Variants in NYAP2 observed in about 807,000 individuals in gnomAD.
The protein encoded by NYAP2 is neuronal tyrosine-phosphorylated phosphoinositide-3-kinase adaptor 2, also known as neuronal tyrosine-phosphorylated phosphoinositide-3-kinase adapter 2.
In NYAP2, 23 loss-of-function variants were observed where a neutral mutation model predicts 50.4. That is an observed-to-expected ratio of 0.46 (90% CI 0.33 to 0.65). The LOEUF (loss-of-function observed/expected upper bound fraction) is 0.65, where lower values mean the gene tolerates loss of function less well. NYAP2 is among the 30% of genes least tolerant of loss of function. The probability of loss-of-function intolerance (pLI) is 0.02; values close to 1 mark genes in which losing one functional copy is unlikely to be tolerated. For synonymous variants in NYAP2, 394 were observed against 365.2 expected (o/e 1.08, Z -0.90); for missense variants, 885 against 861.0 (o/e 1.03, Z -0.35).
intron 6 of NYAP2, among the ~76,000 whole-genome samples, chr2:225,643,634 CT>C (rs1294794059): frequency 6.6e-6 from 1 of 150,930 alleles, no homozygotes; most frequent in East Asian, 1.9e-4. Context: ...TGATGTTCCC[CT>C]TCCTGTGTCC....
At chr2:225,663,672 C>T in the NYAP2 span, among the ~76,000 whole-genome samples, 1 of 150,818 alleles carries the variant, frequency 6.6e-6, no homozygotes, top group Admixed American at 6.6e-5. Context: ...ATTCTCCTGC[C>T]TTAGCCTCCC....
intron 4 of NYAP2, among the ~76,000 whole-genome samples, chr2:225,560,276 A>G (rs1691849314): frequency 6.6e-6 from 1 of 152,108 alleles, no homozygotes; most frequent in African/African-American, 2.4e-5. Context: ...AGAGTACTTT[A>G]TTGTATAGTT....
chr2:225,518,566 ATATTAGCGTGTGCGCT>A (rs1690982420), intron 4 of NYAP2, among the ~76,000 whole-genome samples: 1 of 31,038 alleles, frequency 3.2e-5, no homozygotes, highest in African/African-American at 1.6e-4. Flanking sequence ...ATATATATAT[ATATTAGCGTGTGCGCT>A]TATATATATA....
intron 4 of NYAP2, among the ~76,000 whole-genome samples, chr2:225,566,487 G>T (rs1204986221): frequency 6.6e-6 from 1 of 152,182 alleles, no homozygotes; most frequent in Non-Finnish European, 1.5e-5. Flanking sequence ...TCATTAATCG[G>T]ATTTTTCTCC....
intron 5 of NYAP2, among the ~76,000 whole-genome samples, chr2:225,601,705 G>A (rs1307737832): frequency 6.6e-6 from 1 of 152,022 alleles, no homozygotes; most frequent in Middle Eastern, 3.4e-3. Flanking sequence ...ATCTATCCAA[G>A]TCCTTTGCCT....
At chr2:225,607,411 CAT>C (rs1692807667) in intron 5 of NYAP2, among the ~76,000 whole-genome samples, 1 of 152,030 alleles carries the variant, frequency 6.6e-6, no homozygotes, top group Admixed American at 6.6e-5. Context: ...TCTAACATGA[CAT>C]ATGTTTGAGT....
At chr2:225,592,648 G>A (rs1467484973) in intron 5 of NYAP2, among the ~76,000 whole-genome samples, 1 of 152,092 alleles carries the variant, frequency 6.6e-6, no homozygotes, top group Non-Finnish European at 1.5e-5. Flanking sequence ...GGTTAATTGG[G>A]ACCATGACAT....
intron 4 of NYAP2, among the ~76,000 whole-genome samples, chr2:225,548,811 T>C (rs1004931801): frequency 9.9e-5 from 15 of 152,190 alleles, no homozygotes; most frequent in African/African-American, 3.6e-4. Context: ...ACTTGTTTGG[T>C]TACCTTGAAA....
chr2:225,644,475 G>GA, intron 6 of NYAP2, among the ~76,000 whole-genome samples: 1 of 151,798 alleles, frequency 6.6e-6, no homozygotes, highest in East Asian at 1.9e-4. Context: ...TTTGACTTTT[G>GA]TTGCCATTGC....
chr2:225,655,120 T>C (rs1203483544), downstream of NYAP2, among the ~76,000 whole-genome samples: 2 of 152,260 alleles, frequency 1.3e-5, no homozygotes, highest in South Asian at 2.1e-4. Flanking sequence ...TTGAAATCAG[T>C]TTTAGCTTCA....
intron 5 of NYAP2, among the ~76,000 whole-genome samples, chr2:225,619,006 G>A (rs1176378637): frequency 6.6e-6 from 1 of 152,206 alleles, no homozygotes; most frequent in African/African-American, 2.4e-5. Flanking sequence ...CTCTGTGCTA[G>A]GGATGACATA....
chr2:225,516,089 G>A (rs1690928742), intron 4 of NYAP2, among the ~76,000 whole-genome samples: 1 of 152,244 alleles, frequency 6.6e-6, no homozygotes, highest in South Asian at 2.1e-4. Flanking sequence ...TGAAAGTATG[G>A]AGAAAATCGT....
At position 225,623,488 on chromosome 2, in the gene NYAP2, C is replaced by CT. The variant is rs537643003; in HGVS notation, c.1619-3419dup. On this transcript the variant is annotated intron_variant, in intron 5 of 6. Coordinates refer to ENST00000636099, the Ensembl canonical transcript of NYAP2. ...TGGCCTGTAATCAATCAGGATATTT[C>CT]TTTTTTTTTTATGTAAAAGTAACGA... Among the ~76,000 whole-genome samples the CT allele has an allele frequency of 9.7e-3, 1,446 of 148,766 alleles. 25 individuals are homozygous for CT. The highest frequency in any genetic ancestry group is 0.029 in the African/African-American group (1,188 of 40,566).
chr2:225,603,509 T>G (rs1692732555), intron 5 of NYAP2, among the ~76,000 whole-genome samples: 1 of 152,192 alleles, frequency 6.6e-6, no homozygotes, highest in South Asian at 2.1e-4. Flanking sequence ...GTCACCCCGC[T>G]GGAGTGCAGT....
At chr2:225,587,098 G>C (rs1188156799) in intron 5 of NYAP2, among the ~76,000 whole-genome samples, 1 of 152,106 alleles carries the variant, frequency 6.6e-6, no homozygotes, top group Non-Finnish European at 1.5e-5. Context: ...AGAACAGCAT[G>C]GGGAAAACCA....
chr2:225,436,582 AT>A (rs1315583550), intron 3 of NYAP2, among the ~76,000 whole-genome samples: 3 of 151,950 alleles, frequency 2.0e-5, no homozygotes, highest in Non-Finnish European at 4.4e-5. Context: ...CAATGACCTT[AT>A]TTCCCCATGA....
At chr2:225,517,945 C>T (rs1234136828) in intron 4 of NYAP2, among the ~76,000 whole-genome samples, 1 of 152,038 alleles carries the variant, frequency 6.6e-6, no homozygotes, top group East Asian at 1.9e-4. Flanking sequence ...AATAGAACTA[C>T]CATGTGATCC....
Position 225,472,456 on chromosome 2 carries a change from T to C in NYAP2, c.222-40915T>C, listed in dbSNP as rs192457666. Among the ~76,000 whole-genome samples, 302 of 152,280 alleles carry C rather than the reference T, an allele frequency of 2.0e-3. 2 individuals carry two copies. Among genetic ancestry groups the C allele is most frequent in the African/African-American group, 7.0e-3 (290 of 41,552 alleles). On this transcript the variant is annotated intron_variant, in intron 3 of 6. Coordinates refer to ENST00000636099, the Ensembl canonical transcript of NYAP2. ...GGCTAACTGTGAGGCATAGCATAAG[T>C]GCATTGCAGCCTGACAGCATTTGGT...
chr2:225,664,963 C>T, the NYAP2 span, among the ~76,000 whole-genome samples: 2 of 152,026 alleles, frequency 1.3e-5, no homozygotes, highest in South Asian at 2.1e-4. Flanking sequence ...ATTCCATACT[C>T]GAGTGATACA....
Sources: allele counts gnomAD v4.1 joint callset (sites outside exome capture counted in the v4.1 genomes callset), GRCh38; gene constraint gnomAD v4.1.1; transcripts MANE v1.5; gene names NCBI Gene and HGNC (gene_info 2026-07-23, HGNC 2026-07-21).